Variants in TRIOBP observed in about 807,000 individuals in gnomAD.
The protein encoded by TRIOBP is TRIO and F-actin-binding protein.
A neutral mutation model predicts 238.8 loss-of-function variants in TRIOBP; 169 were observed. The ratio of observed to expected loss-of-function variants is 0.71; its 90% confidence interval spans 0.62 to 0.80. The LOEUF (loss-of-function observed/expected upper bound fraction) is 0.80. TRIOBP is among the 30% of genes least tolerant of loss of function. The pLI, the probability that TRIOBP is intolerant of heterozygous loss-of-function variation, is 0.00. For synonymous variants in TRIOBP, 1,150 were observed against 1,274.4 expected (o/e 0.90, Z 2.08); for missense variants, 2,838 against 3,122.6 (o/e 0.91, Z 2.17).
chr22:37,756,051 G>T (rs943841313), intron 15 of TRIOBP, among the ~76,000 whole-genome samples: 2 of 152,214 alleles, frequency 1.3e-5, no homozygotes, highest in Admixed American at 1.3e-4. Context: ...GCTGCCACGG[G>T]CACTGGGGCA....
chr22:37,749,088 T>C (rs1482672185), intron 11 of TRIOBP, among the ~76,000 whole-genome samples: 2 of 151,920 alleles, frequency 1.3e-5, no homozygotes, highest in Non-Finnish European at 2.9e-5. Flanking sequence ...TAGTGGCTTA[T>C]GTGTGCCTGT....
rs565193968 is a variant in TRIOBP at position 37,710,508 on chromosome 22, G to A, written c.196G>A (p.Ala66Thr). Residue 66 changes from alanine to threonine, a missense_variant, in exon 4 of 24, where the codon GCC becomes ACC. Physicochemically the swap from Ala to Thr is moderately conservative, Grantham distance 58 (BLOSUM62 0). Coordinates refer to ENST00000644935, the MANE Select transcript of TRIOBP (RefSeq NM_001039141.3). Reference protein sequence around the residue: ...CPPAPEDPLSASTSGCQSVVD... With the variant: ...CPPAPEDPLSTSTSGCQSVVD... ...ACCTGCCCCTGAGGACCCACTCAGC[G>A]CCTCAACCTCCGGCTGCCAGTCTGT... 10 of 1,612,212 alleles carry A rather than the reference G, an allele frequency of 6.2e-6. No homozygotes were observed. Among genetic ancestry groups the A allele is most frequent in the African/African-American group, 4.0e-5 (3 of 75,044 alleles).
chr22:37,765,811 G>T lies in TRIOBP; in HGVS notation c.6466G>T (p.Ala2156Ser). The T allele has an allele frequency of 6.4e-7, 1 of 1,561,632 alleles. No homozygotes were observed. ...CCTGGCTGAGGAGACGGCAGCCACG[G>T]CCTCAGGTATGGACCCTGGGGGGGG... ...WLLAEETAAT[A>S]SAIEAMKKAY... is the part of the protein sequence containing the mutation. Residue 2156 changes from alanine to serine, a missense_variant, in exon 18 of 24, where the codon GCC becomes TCC. Around this residue, in one of 5 missense-constraint regions of TRIOBP, gnomAD observed 2,096 missense variants for 2,137.4 expected, o/e 0.98. Coordinates refer to ENST00000644935, the MANE Select transcript of TRIOBP (RefSeq NM_001039141.3).
intron 18 of TRIOBP, among the ~76,000 whole-genome samples, chr22:37,767,225 TGGGTGACAGAGTGAGACTCCGTCTCC>T (rs1926543639): frequency 1.2e-5 from 1 of 85,318 alleles, no homozygotes; most frequent in Non-Finnish European, 3.1e-5. Context: ...CACTCCAGCC[TGGGTGACAGAGTGAGACTCCGTCTCC>T]TGGGTGACAG....
intron 17 of TRIOBP, among the ~76,000 whole-genome samples, chr22:37,764,457 A>C (rs1173762978): frequency 6.6e-6 from 1 of 152,170 alleles, no homozygotes; most frequent in Admixed American, 6.5e-5. Flanking sequence ...CCTGTGTCCC[A>C]TTGTCAAGCT....
At position 37,726,208 on chromosome 22, in the gene TRIOBP, A is replaced by G. The variant is rs374934894; in HGVS notation, c.3652A>G (p.Ile1218Val). The G allele has an allele frequency of 2.0e-5, 31 of 1,579,952 alleles. No homozygotes were observed. In the East Asian group the frequency reaches 3.9e-4, roughly 20 times the overall value. Residue 1218 changes from isoleucine (I) to valine (V), a missense_variant, in exon 7 of 24, where the codon ATC (isoleucine) becomes GTC (valine). By Grantham distance (29) the Ile-to-Val change is conservative (BLOSUM62 3). Around this residue, in one of 5 missense-constraint regions of TRIOBP, gnomAD observed 2,096 missense variants for 2,137.4 expected, o/e 0.98. Coordinates refer to ENST00000644935, the MANE Select transcript of TRIOBP (RefSeq NM_001039141.3). Reference sequence around the variant, plus strand: ...CCCAGTGCTGATCCCCCAAGTGTGCATCGGGCACCGGGATGCACCCCGAGC... The same window carrying G: ...CCCAGTGCTGATCCCCCAAGTGTGCGTCGGGCACCGGGATGCACCCCGAGC... ...GSPVLIPQVC[I>V]GHRDAPRASS...
intron 2 of TRIOBP, 98 bp from the exon 3 acceptor site, chr22:37,701,208 T>C: frequency 1.5e-6 from 1 of 653,676 alleles, no homozygotes; most frequent in Admixed American, 2.2e-5. Flanking sequence ...TAACCTTATT[T>C]CCTTGGTCCT....
Position 37,733,295 on chromosome 22 carries a change from T to C in TRIOBP, c.3948-3T>C. 2 of 1,549,650 alleles carry C rather than the reference T, an allele frequency of 1.3e-6. No homozygotes were observed. Among genetic ancestry groups the C allele is most frequent in the South Asian group, 1.2e-5 (1 of 84,066 alleles). On this transcript the variant is annotated splice_polypyrimidine_tract_variant and splice_region_variant and intron_variant, in intron 7 of 23. Coordinates refer to ENST00000644935, the MANE Select transcript of TRIOBP (RefSeq NM_001039141.3). ...TCAGAGGAGTGGCTGCATTTGCTCATAGGAAGTCCGAGGCAGCGGGGGCCT... is the reference window on the plus strand; with the variant it reads ...TCAGAGGAGTGGCTGCATTTGCTCACAGGAAGTCCGAGGCAGCGGGGGCCT...
chr22:37,759,702 CAG>C (rs1926142809), intron 17 of TRIOBP: 2 of 1,500,488 alleles, frequency 1.3e-6, no homozygotes, highest in Admixed American at 2.1e-5. Context: ...GTCTGCAGGA[CAG>C]GGGAGCCTCC....
chr22:37,727,252 G>GTTTT (rs544456439), intron 7 of TRIOBP, among the ~76,000 whole-genome samples: 1 of 144,640 alleles, frequency 6.9e-6, no homozygotes, highest in Non-Finnish European at 1.5e-5. Flanking sequence ...AGACTCATGG[G>GTTTT]TTTTTTTTTT....
chr22:37,701,207 T>G (rs1922628280), intron 2 of TRIOBP, 99 bp from the exon 3 acceptor site: 2 of 649,182 alleles, frequency 3.1e-6, no homozygotes, highest in Non-Finnish European at 5.6e-6. Context: ...GTAACCTTAT[T>G]TCCTTGGTCC....
At position 37,735,334 on chromosome 22, in the gene TRIOBP, G is replaced by T. The variant is rs1601640137; in HGVS notation, c.4998G>T (p.Lys1666Asn). 1 of 1,613,326 alleles carries T rather than the reference G, an allele frequency of 6.2e-7. No individual in the cohort carries two copies. Among genetic ancestry groups the T allele is most frequent in the East Asian group, 2.2e-5 (1 of 44,874 alleles). The change falls in exon 9 of 24, where the codon AAG becomes AAT. Residue 1666 changes from lysine to asparagine, a missense_variant. By Grantham distance (94) the Lys-to-Asn change is moderately conservative. Coordinates refer to ENST00000644935, the MANE Select transcript of TRIOBP (RefSeq NM_001039141.3). Reference protein sequence around the residue: ...SPACTSTQWPKIKVTRGPATA... With the variant: ...SPACTSTQWPNIKVTRGPATA... ...CCTGCACCTCCACCCAGTGGCCAAA[G>T]ATCAAAGTGACAAGAGGACCAGCGA... is the stretch of plus-strand genomic sequence containing the variant.
intron 11 of TRIOBP, among the ~76,000 whole-genome samples, chr22:37,743,844 T>TGTGTGTGCGC (rs35321886): frequency 2.7e-5 from 3 of 110,218 alleles, no homozygotes; most frequent in African/African-American, 1.2e-4. Context: ...TGTGTGTGTG[T>TGTGTGTGCGC]GCTGGGTGTG....
chr22:37,737,418 T>C (rs181850774), intron 9 of TRIOBP, among the ~76,000 whole-genome samples: 1 of 151,936 alleles, frequency 6.6e-6, no homozygotes, highest in East Asian at 1.9e-4. Context: ...TCCCAGCACT[T>C]TGGGAGGCTG....
chr22:37,708,724 A>G (rs1923082932), intron 3 of TRIOBP, among the ~76,000 whole-genome samples: 1 of 152,214 alleles, frequency 6.6e-6, no homozygotes, highest in South Asian at 2.1e-4. Flanking sequence ...AGGAGAAAAC[A>G]ATGCTCCGAA....
At chr22:37,712,216 C>G (rs1365773163) in intron 4 of TRIOBP, among the ~76,000 whole-genome samples, 2 of 152,082 alleles carry the variant, frequency 1.3e-5, no homozygotes, top group African/African-American at 4.8e-5. Context: ...GAGATGGCAT[C>G]TTGCTCTATC....
chr22:37,748,112 G>A (rs576497583), intron 11 of TRIOBP, among the ~76,000 whole-genome samples: 208 of 152,320 alleles, frequency 1.4e-3, no homozygotes, highest in Non-Finnish European at 2.5e-3. Context: ...TAGGGAAGGG[G>A]TCTGGGGAGG....
Position 37,775,796 on chromosome 22 carries a change from A to C in TRIOBP, c.*2016A>C, listed in dbSNP as rs919401374. The C allele has an allele frequency of 6.6e-6, 1 of 152,068 alleles. No individual in the cohort carries two copies. The highest frequency in any genetic ancestry group is 2.4e-5 in the African/African-American group (1 of 41,410). 9.4% of individuals were successfully genotyped at this position (152,068 alleles called of 1,614,324 possible). Reference sequence around the variant, plus strand: ...GGGCGAAACTCCATCTCAAAAAAAAAGGGGGAGGGTGGCGCAAGGAGAGGA... The same window carrying C: ...GGGCGAAACTCCATCTCAAAAAAAACGGGGGAGGGTGGCGCAAGGAGAGGA... On this transcript the variant is annotated 3_prime_UTR_variant, in exon 24 of 24. Coordinates refer to ENST00000644935, the MANE Select transcript of TRIOBP (RefSeq NM_001039141.3).
intron 21 of TRIOBP, among the ~76,000 whole-genome samples, chr22:37,770,802 C>A (rs1255391893): frequency 1.3e-5 from 2 of 152,066 alleles, no homozygotes; most frequent in Admixed American, 6.5e-5. Flanking sequence ...CCTGCCTCAG[C>A]CTCCCGAGTA....
Sources: allele counts gnomAD v4.1 joint callset (sites outside exome capture counted in the v4.1 genomes callset), GRCh38; gene constraint gnomAD v4.1.1; regional missense constraint gnomAD v4.1.1; transcripts MANE v1.5; gene names NCBI Gene and HGNC (gene_info 2026-07-23, HGNC 2026-07-21).